Variants in ATP2B2 observed in about 807,000 individuals in gnomAD.
ATP2B2 encodes the protein plasma membrane calcium-transporting ATPase 2.
A neutral mutation model predicts 120.0 loss-of-function variants in ATP2B2; 15 were observed. That is an observed-to-expected ratio of 0.12 (90% CI 0.08 to 0.19). The LOEUF (loss-of-function observed/expected upper bound fraction) is 0.19. Ranked by LOEUF, ATP2B2 falls within the 10% of genes least tolerant of loss-of-function variation. The pLI is 1.00. For synonymous variants in ATP2B2, 694 were observed against 700.3 expected, an observed-to-expected ratio of 0.99 and a Z score of 0.14; for missense variants, 1,045 against 1,719.8, an observed-to-expected ratio of 0.61 and a Z score of 6.94.
chr3:10,667,745 G>A (rs1049963101), intron 1 of ATP2B2, among the ~76,000 whole-genome samples: 3 of 143,856 alleles, frequency 2.1e-5, no homozygotes, highest in Non-Finnish European at 3.1e-5. Flanking sequence ...ATCCAGCAGC[G>A]TGCTCTGAGT....
Position 10,410,787 on chromosome 3 carries a change from T to C in ATP2B2, c.228A>G (p.Glu76=). The change falls in exon 3 of 23, where the codon GAA becomes GAG. Residue 76 remains glutamate (E), a synonymous_variant. Transcript: ENST00000360273. Reference sequence around the variant, plus strand: ...TTTGCCCAAAAATTTGCTTTCTCTTTTCCAGGTCTGGAGCGGTGCCCGGCA... The same window carrying C: ...TTTGCCCAAAAATTTGCTTTCTCTTCTCCAGGTCTGGAGCGGTGCCCGGCA... ...EGLPGTAPDL[E]KRKQIFGQNF... The C allele has an allele frequency of 6.2e-7, 1 of 1,614,140 alleles. No individual in the cohort carries two copies. The highest frequency in any genetic ancestry group is 8.5e-7 in the Non-Finnish European group (1 of 1,180,044).
intron 2 of ATP2B2, among the ~76,000 whole-genome samples, chr3:10,600,685 G>A (rs34629837): frequency 0.073 from 11,157 of 152,226 alleles, 486 homozygotes; most frequent in East Asian, 0.16. Flanking sequence ...CCCCTGGCCC[G>A]GCAGTGCTGA....
At chr3:10,338,124 C>T in intron 22 of ATP2B2, 52 bp downstream of exon 22, 1 of 1,609,262 alleles carries the variant, frequency 6.2e-7, no homozygotes. Context: ...CACCTCCATC[C>T]CCTGGCCCGC....
chr3:10,638,291 A>G (rs1449256009), intron 1 of ATP2B2, among the ~76,000 whole-genome samples: 1 of 152,220 alleles, frequency 6.6e-6, no homozygotes, highest in Non-Finnish European at 1.5e-5. Flanking sequence ...AAAAATGACA[A>G]CAAAGAAGTA....
chr3:10,507,193 C>T (rs1026106120), upstream of ATP2B2, among the ~76,000 whole-genome samples: 6 of 152,200 alleles, frequency 3.9e-5, no homozygotes, highest in Non-Finnish European at 7.4e-5. Flanking sequence ...GCAAGGCTCC[C>T]TGCTGGGGTT....
chr3:10,350,357 G>A lies in ATP2B2; in HGVS notation c.2316+41C>T, dbSNP rs751204671. 6 of 1,613,544 alleles carry A rather than the reference G, an allele frequency of 3.7e-6. No individual in the cohort carries two copies. In the Admixed American group the frequency reaches 8.3e-5, roughly 22 times the overall value. The stretch of plus-strand genomic sequence containing the variant: ...GCACCCTACCTCCCAGCTCCCATCT[G>A]AGCGCGTTCCCCTGAGGATGCTTTA... On this transcript the variant is annotated intron_variant, in intron 15 of 22. Coordinates refer to ENST00000360273, the MANE Select transcript of ATP2B2 (RefSeq NM_001001331.4).
At chr3:10,554,297 A>T (rs1029414475) in intron 2 of ATP2B2, among the ~76,000 whole-genome samples, 1 of 152,196 alleles carries the variant, frequency 6.6e-6, no homozygotes, top group South Asian at 2.1e-4. Context: ...CAGGTGTGGA[A>T]GGCAGAATAA....
chr3:10,553,268 G>A (rs190580809), intron 2 of ATP2B2, among the ~76,000 whole-genome samples: 13 of 152,284 alleles, frequency 8.5e-5, no homozygotes, highest in South Asian at 2.1e-4. Flanking sequence ...GTTCTTTCCC[G>A]GACTGGAAGC....
intron 2 of ATP2B2, among the ~76,000 whole-genome samples, chr3:10,439,405 G>A (rs1043023338): frequency 1.3e-5 from 2 of 152,190 alleles, no homozygotes; most frequent in Non-Finnish European, 2.9e-5. Context: ...TGGGTGGACT[G>A]AGCACCCTTT....
At chr3:10,707,133 C>A (rs1276983839) in intron 1 of ATP2B2, among the ~76,000 whole-genome samples, 1 of 152,196 alleles carries the variant, frequency 6.6e-6, no homozygotes, top group Non-Finnish European at 1.5e-5. Context: ...GTCCTGAGGG[C>A]CTGAGGCAAC....
At chr3:10,653,963 T>C (rs1161987784) in intron 1 of ATP2B2, among the ~76,000 whole-genome samples, 1 of 152,170 alleles carries the variant, frequency 6.6e-6, no homozygotes, top group African/African-American at 2.4e-5. Context: ...TGAGGCCTTC[T>C]TGATAATTTT....
At chr3:10,575,788 G>A (rs2068231589) in intron 2 of ATP2B2, among the ~76,000 whole-genome samples, 1 of 152,196 alleles carries the variant, frequency 6.6e-6, no homozygotes, top group Non-Finnish European at 1.5e-5. Flanking sequence ...GAGGCTCTAT[G>A]TAGGGTTGCA....
chr3:10,414,212 G>C lies in ATP2B2; in HGVS notation c.200-3397C>G, dbSNP rs149407425. Among the ~76,000 whole-genome samples the C allele has an allele frequency of 6.0e-4, 92 of 152,314 alleles. 1 individual carries two copies. The East Asian group carries it at 0.016, about 26-fold the overall frequency. On this transcript the variant is annotated intron_variant, in intron 2 of 22. Transcript: ENST00000360273. Reference sequence around the variant, plus strand: ...GCCCTGCCTGATTGATTCCAAGAGAGGGGGAGTCTCTGAACCTTCTGAGTT... The same window carrying C: ...GCCCTGCCTGATTGATTCCAAGAGACGGGGAGTCTCTGAACCTTCTGAGTT...
Position 10,375,784 on chromosome 3 carries a change from ACCT to A in ATP2B2, c.1202-143_1202-141del. On this transcript the variant is annotated intron_variant, in intron 10 of 22. Transcript: ENST00000360273. This position sits in a 1 kb window ranked among gnomAD's most constrained non-coding sequence, Gnocchi z 4.2. Reference sequence around the variant, plus strand: ...CAGCTCTGCCACTCCTTGCTTTATGACCTGTGGCAAGTTCTTGAGACCTTGATC... The same window carrying A: ...CAGCTCTGCCACTCCTTGCTTTATGAGTGGCAAGTTCTTGAGACCTTGATC... 3 of 747,486 alleles carry A rather than the reference ACCT, an allele frequency of 4.0e-6. No individual in the cohort carries two copies. Among genetic ancestry groups the A allele is most frequent in the East Asian group, 2.7e-5 (1 of 37,110 alleles). The allele number at this position is 747,486 out of a possible 1,614,324, so 46.3% of individuals were successfully genotyped here. A position where few individuals can be genotyped will look rare whatever the true frequency, so the allele number is the denominator to read the frequency against.
At chr3:10,697,841 C>T (rs916088582) in intron 1 of ATP2B2, among the ~76,000 whole-genome samples, 2 of 152,234 alleles carry the variant, frequency 1.3e-5, no homozygotes, top group Non-Finnish European at 2.9e-5. Flanking sequence ...CTCACTCATT[C>T]GTTCATTCAT....
chr3:10,432,359 G>T (rs1326147491), intron 2 of ATP2B2, among the ~76,000 whole-genome samples: 1 of 152,218 alleles, frequency 6.6e-6, no homozygotes, highest in Admixed American at 6.5e-5. Context: ...CAGGCCTGAA[G>T]CCTGGCAGGC....
intron 1 of ATP2B2, among the ~76,000 whole-genome samples, chr3:10,660,950 A>C (rs1051741324): frequency 3.9e-5 from 6 of 152,216 alleles, no homozygotes; most frequent in Non-Finnish European, 8.8e-5. Flanking sequence ...AACATACACA[A>C]ATCAATAAAC....
chr3:10,350,035 C>A, intron 16 of ATP2B2, 77 bp downstream of exon 16: 1 of 1,448,178 alleles, frequency 6.9e-7, no homozygotes, highest in Non-Finnish European at 9.6e-7. Flanking sequence ...GAAGAAGCTG[C>A]AAGTGCCAGG....
At chr3:10,542,740 C>T (rs2067466683) in intron 2 of ATP2B2, among the ~76,000 whole-genome samples, 1 of 152,196 alleles carries the variant, frequency 6.6e-6, no homozygotes, top group South Asian at 2.1e-4. Context: ...GTGAGATGTT[C>T]TTTCTCACTG....
Sources: gnomAD v4.1 joint callset for allele counts (sites outside exome capture counted in the v4.1 genomes callset) on GRCh38, gnomAD v4.1.1 for gene constraint, Gnocchi (gnomAD v3.1) non-coding constraint, MANE v1.5 for transcripts, NCBI Gene and HGNC (gene_info 2026-07-23, HGNC 2026-07-21) for gene names.